DNM2: variants seen among roughly 807,000 people sequenced by gnomAD.
The protein encoded by DNM2 is dynamin 2.
DNM2 carries 15 observed loss-of-function variants against 99.0 expected under a neutral mutation model. That is an observed-to-expected ratio of 0.15 (90% CI 0.10 to 0.23). DNM2 has a LOEUF of 0.23. DNM2 is among the 10% of genes least tolerant of loss of function. DNM2 has a pLI of 1.00. For synonymous variants in DNM2, 525 were observed against 481.2 expected (o/e 1.09, Z -1.19); for missense variants, 742 against 1,189.4 (o/e 0.62, Z 5.53).
chr19:10,830,546 G>T lies in DNM2; in HGVS notation c.2543+168G>T. ...GAAACAGGCCCAGAGAGGCCAAGAG[G>T]CTTGTTCAGTGTCACAGAGTAGCGG... On this transcript the variant is annotated intron_variant, in intron 20 of 20. Transcript: ENST00000389253. The surrounding 1 kb of genome is among the most constrained non-coding windows in gnomAD (Gnocchi z 4.8). The T allele has an allele frequency of 1.2e-6, 1 of 831,860 alleles. No individual in the cohort carries two copies. The highest frequency in any genetic ancestry group is 1.8e-6 in the Non-Finnish European group (1 of 543,580). The allele number at this position is 831,860 out of a possible 1,614,324, so 51.5% of individuals were successfully genotyped here.
intron 1 of DNM2, among the ~76,000 whole-genome samples, chr19:10,731,976 C>T (rs1486124865): frequency 1.4e-5 from 2 of 143,140 alleles, no homozygotes; most frequent in Admixed American, 7.0e-5. Flanking sequence ...TTTTTTGAGA[C>T]GGAGTTTCGC....
intron 3 of DNM2, among the ~76,000 whole-genome samples, chr19:10,774,771 A>AT (rs1431822178): frequency 5.2e-5 from 5 of 96,876 alleles, no homozygotes; most frequent in African/African-American, 1.9e-4. Flanking sequence ...TTTCTTTATT[A>AT]TATATTTATT....
At chr19:10,746,479 A>G (rs907814462) in intron 1 of DNM2, among the ~76,000 whole-genome samples, 1 of 151,900 alleles carries the variant, frequency 6.6e-6, no homozygotes, top group African/African-American at 2.4e-5. Flanking sequence ...GCAGGAGTGT[A>G]ATGGTGTGAT....
At chr19:10,737,975 A>G (rs1464479983) in intron 1 of DNM2, among the ~76,000 whole-genome samples, 1 of 152,072 alleles carries the variant, frequency 6.6e-6, no homozygotes, top group Admixed American at 6.6e-5. Flanking sequence ...CCACTCAGCA[A>G]TGTCTGCTGA....
Position 10,817,616 on chromosome 19 carries a change from C to T in DNM2, c.1672-2364C>T, listed in dbSNP as rs532570206. 7.1e-6 allele frequency: 2 copies of T among 283,572 alleles called. No individual in the cohort carries two copies. Among genetic ancestry groups the T allele is most frequent in the East Asian group, 3.2e-4 (2 of 6,322 alleles). 17.6% of individuals were successfully genotyped at this position (283,572 alleles called of 1,614,324 possible). Reference sequence around the variant, plus strand: ...ACCACTCTTCCCGAGACGATCCGCTCTGTCCCTTCTGACGTGGCAAGGCTG... The same window carrying T: ...ACCACTCTTCCCGAGACGATCCGCTTTGTCCCTTCTGACGTGGCAAGGCTG... On this transcript the variant is annotated intron_variant, in intron 15 of 20. Coordinates refer to ENST00000389253, the MANE Select transcript of DNM2 (RefSeq NM_001005361.3). The surrounding 1 kb of genome is among the most constrained non-coding windows in gnomAD (Gnocchi z 4.6).
Position 10,820,424 on chromosome 19 carries a change from A to G in DNM2, c.1781+335A>G, listed in dbSNP as rs1191795031. Among the ~76,000 whole-genome samples the G allele has an allele frequency of 6.6e-6, 1 of 152,164 alleles. No individual in the cohort carries two copies. Among genetic ancestry groups the G allele is most frequent in the Non-Finnish European group, 1.5e-5 (1 of 68,026 alleles). On this transcript the variant is annotated intron_variant, in intron 16 of 20. Transcript: ENST00000389253. This position sits in a 1 kb window ranked among gnomAD's most constrained non-coding sequence, Gnocchi z 4.3. ...GAGAGGGAAACAGTATGAGAGGGTG[A>G]GAGATGGGGGACGAGGGCAAAGGCC...
At chr19:10,798,261 G>A (rs2072009177) in intron 10 of DNM2, 3 of 578,136 alleles carry the variant, frequency 5.2e-6, no homozygotes, top group South Asian at 2.0e-5. Context: ...GTCACTGGCT[G>A]GAAAAGCAGC....
chr19:10,821,492 T>C (rs957824744), intron 16 of DNM2, among the ~76,000 whole-genome samples: 6 of 152,196 alleles, frequency 3.9e-5, no homozygotes, highest in Admixed American at 2.0e-4. Context: ...CCACCTGATA[T>C]GCAGAAGCCG....
At chr19:10,739,883 AAAAAG>A (rs1378120455) in intron 1 of DNM2, among the ~76,000 whole-genome samples, 8 of 151,160 alleles carry the variant, frequency 5.3e-5, no homozygotes, top group African/African-American at 1.9e-4. Flanking sequence ...AAAAAAAAAA[AAAAAG>A]AATTCACCAA....
intron 1 of DNM2, among the ~76,000 whole-genome samples, chr19:10,743,860 G>A (rs75081779): frequency 0.031 from 4,498 of 143,378 alleles, 359 homozygotes; most frequent in East Asian, 0.3. Context: ...GGTGGCGTGC[G>A]CCTGTAGTCC....
intron 18 of DNM2, among the ~76,000 whole-genome samples, chr19:10,828,028 C>T (rs973661844): frequency 6.6e-6 from 1 of 152,168 alleles, no homozygotes; most frequent in African/African-American, 2.4e-5. Flanking sequence ...CTCACTCACG[C>T]CTGTAATCCC....
chr19:10,783,193 G>A (rs2071435817), intron 6 of DNM2, 73 bp downstream of exon 6: 2 of 1,589,350 alleles, frequency 1.3e-6, no homozygotes, highest in Admixed American at 3.4e-5. Flanking sequence ...ATCCTCACTG[G>A]CACTTGTTTC....
At chr19:10,782,511 A>G (rs2071413689) in intron 5 of DNM2, among the ~76,000 whole-genome samples, 1 of 151,946 alleles carries the variant, frequency 6.6e-6, no homozygotes, top group Admixed American at 6.6e-5. Flanking sequence ...GTCACGCGCC[A>G]CCATGCACGG....
At chr19:10,752,162 T>G (rs930703753) in intron 1 of DNM2, among the ~76,000 whole-genome samples, 1 of 152,224 alleles carries the variant, frequency 6.6e-6, no homozygotes, top group Non-Finnish European at 1.5e-5. Flanking sequence ...TGTGAGCTGG[T>G]ACTGGTAACG....
chr19:10,747,633 A>G (rs1407137323), intron 1 of DNM2, among the ~76,000 whole-genome samples: 2 of 152,130 alleles, frequency 1.3e-5, no homozygotes, highest in Admixed American at 1.3e-4. Flanking sequence ...TTCTGCAAGC[A>G]TTGGTCATCT....
At position 10,796,313 on chromosome 19, in the gene DNM2, C is replaced by T. The variant is rs2071931588; in HGVS notation, c.1196+874C>T. ...CCACTGGTGCCTTTTCTCCCCATAT[C>T]GCTTTGTGTCCGTGAACTTGGCCTC... is the stretch of plus-strand genomic sequence containing the variant. On this transcript the variant is annotated intron_variant, in intron 9 of 20. Transcript: ENST00000389253. The surrounding 1 kb of genome is among the most constrained non-coding windows in gnomAD (Gnocchi z 5.6). The T allele has an allele frequency of 2.1e-5, 31 of 1,506,448 alleles. No individual in the cohort carries two copies. Among genetic ancestry groups the T allele is most frequent in the Admixed American group, 3.4e-5 (2 of 58,614 alleles). 93.3% of individuals were successfully genotyped at this position (1,506,448 alleles called of 1,614,324 possible). A position where few individuals can be genotyped will look rare whatever the true frequency, so the allele number is the denominator to read the frequency against.
intron 1 of DNM2, among the ~76,000 whole-genome samples, chr19:10,758,339 CTCCT>C (rs773049221): frequency 0.01 from 123 of 11,796 alleles, 2 homozygotes; most frequent in South Asian, 0.017. Context: ...CCTTCCTTCC[CTCCT>C]TCCTTCCCTC....
chr19:10,756,332 C>T (rs1448685868), intron 1 of DNM2, among the ~76,000 whole-genome samples: 3 of 152,038 alleles, frequency 2.0e-5, no homozygotes, highest in Non-Finnish European at 4.4e-5. Flanking sequence ...CTTCCTCGCA[C>T]CCACCCCCGT....
At chr19:10,814,350 GC>G (rs1485603869) in intron 15 of DNM2, among the ~76,000 whole-genome samples, 2 of 152,018 alleles carry the variant, frequency 1.3e-5, no homozygotes, top group African/African-American at 4.8e-5. Flanking sequence ...TGTAATCCCA[GC>G]TACTCAGGAG....
Sources: gnomAD v4.1 joint callset for allele counts (sites outside exome capture counted in the v4.1 genomes callset) on GRCh38, gnomAD v4.1.1 for gene constraint, Gnocchi (gnomAD v3.1) non-coding constraint, MANE v1.5 for transcripts, NCBI Gene and HGNC (gene_info 2026-07-23, HGNC 2026-07-21) for gene names.